FRMD4A: variants seen among roughly 807,000 people sequenced by gnomAD.
FRMD4A encodes FERM domain-containing protein 4A.
Under a neutral mutation model 129.1 loss-of-function variants are expected in FRMD4A, and 29 were observed. That is an observed-to-expected ratio of 0.22 (90% confidence interval 0.17 to 0.31). FRMD4A has a LOEUF of 0.31. FRMD4A is among the 10% of genes least tolerant of loss of function. The pLI, the probability that FRMD4A is intolerant of heterozygous loss-of-function variation, is 1.00. For missense variants in FRMD4A, 1,272 were observed against 1,375.8 expected (o/e 0.92, Z 1.19); for synonymous variants, 634 against 571.6 (o/e 1.11, Z -1.56).
chr10:13,762,530 A>G (rs2092116924), intron 7 of FRMD4A, 94 bp downstream of exon 7: 1 of 735,502 alleles, frequency 1.4e-6, no homozygotes, highest in Admixed American at 2.3e-5. Context: ...ACAAATAGTG[A>G]GTAGATACAG....
At chr10:14,312,591 A>T (rs1846588778) in intron 2 of FRMD4A, among the ~76,000 whole-genome samples, 1 of 152,246 alleles carries the variant, frequency 6.6e-6, no homozygotes, top group South Asian at 2.1e-4. Context: ...TATTAAAAAT[A>T]GCCTAAATGT....
chr10:13,789,212 A>G (rs960894040), intron 5 of FRMD4A, among the ~76,000 whole-genome samples: 1 of 152,202 alleles, frequency 6.6e-6, no homozygotes, highest in Non-Finnish European at 1.5e-5. Context: ...TCTGGTTAGC[A>G]GGAACCTCAT....
chr10:14,027,340 C>A (rs1391876437), intron 2 of FRMD4A, among the ~76,000 whole-genome samples: 1 of 152,128 alleles, frequency 6.6e-6, no homozygotes, highest in Admixed American at 6.5e-5. Context: ...TTTTGGGGGG[C>A]TTTAAAAACA....
chr10:14,007,052 A>G (rs925754805), intron 2 of FRMD4A: 1 of 151,204 alleles, frequency 6.6e-6, no homozygotes, highest in Non-Finnish European at 1.5e-5. Context: ...TTTTTTTTTT[A>G]AATAAAACAT....
At chr10:13,719,383 A>G (rs949617540) in intron 12 of FRMD4A, among the ~76,000 whole-genome samples, 2 of 151,914 alleles carry the variant, frequency 1.3e-5, no homozygotes, top group Admixed American at 1.3e-4. Flanking sequence ...CCTACTCCCA[A>G]CCTAGAGGTC....
At chr10:14,157,029 G>A (rs1018169810) in intron 2 of FRMD4A, among the ~76,000 whole-genome samples, 2 of 152,206 alleles carry the variant, frequency 1.3e-5, no homozygotes, top group African/African-American at 2.4e-5. Flanking sequence ...GCTCCTTGGA[G>A]CAGAGGAACA....
chr10:13,786,396 G>C (rs753339340), intron 5 of FRMD4A, among the ~76,000 whole-genome samples: 26 of 152,192 alleles, frequency 1.7e-4, no homozygotes, highest in South Asian at 1.0e-3. Context: ...ACTGAGGTCA[G>C]GAGTTCGAGA....
intron 2 of FRMD4A, among the ~76,000 whole-genome samples, chr10:14,080,331 T>C (rs968472886): frequency 1.3e-5 from 2 of 152,138 alleles, no homozygotes; most frequent in African/African-American, 4.8e-5. Context: ...TTTATGATGT[T>C]CTATATCCCC....
At chr10:14,172,043 G>A (rs1352463583) in intron 2 of FRMD4A, among the ~76,000 whole-genome samples, 1 of 152,196 alleles carries the variant, frequency 6.6e-6, no homozygotes, top group Non-Finnish European at 1.5e-5. Flanking sequence ...CCTTGCCAAT[G>A]GGATTCTCCT....
intron 8 of FRMD4A, among the ~76,000 whole-genome samples, chr10:13,752,937 T>C (rs2091695696): frequency 6.6e-6 from 1 of 152,208 alleles, no homozygotes; most frequent in Non-Finnish European, 1.5e-5. Context: ...ATGTGTTTAA[T>C]TCCAGGTGCT....
rs561893802 is a variant in FRMD4A, at chr10:14,115,158, C to G, written c.45+214900G>C. 2.6e-4 allele frequency among the ~76,000 whole-genome samples: 40 copies of G among 152,314 alleles called. No homozygotes were observed. The South Asian group carries it at 6.2e-3, about 24-fold the overall frequency. ...TGGAAGCTTGCAGTCTAGAGCAGGTCACCTTCAAAATCCAATGTGTGTTTT... is the reference window on the plus strand; with the variant it reads ...TGGAAGCTTGCAGTCTAGAGCAGGTGACCTTCAAAATCCAATGTGTGTTTT... On this transcript the variant is annotated intron_variant, in intron 2 of 24. Coordinates refer to ENST00000357447, the MANE Select transcript of FRMD4A (RefSeq NM_018027.5).
intron 2 of FRMD4A, among the ~76,000 whole-genome samples, chr10:14,289,534 C>T (rs892167049): frequency 2.0e-5 from 3 of 151,810 alleles, no homozygotes; most frequent in Non-Finnish European, 2.9e-5. Context: ...GATTTTAATC[C>T]CTTGTCAGAT....
chr10:13,660,333 G>A lies in FRMD4A; in HGVS notation c.1881C>T (p.Ser627=), dbSNP rs140407461. 1.2e-5 allele frequency: 19 copies of A among 1,611,484 alleles called. No homozygotes were observed. Among genetic ancestry groups the A allele is most frequent in the Non-Finnish European group, 1.6e-5 (19 of 1,177,668 alleles). Residue 627 remains serine (S), a synonymous_variant, in exon 20 of 25, where the codon TCC becomes TCT. Transcript: ENST00000357447. ...DEPYEKVKKR[S]SHSHSSSHKR... is the part of the protein sequence containing the mutation. The stretch of plus-strand genomic sequence containing the variant: ...CAGCTCACCTGGAATGGCTGTGAGA[G>A]GAGCGCTTCTTGACCTTCTCATAGG...
intron 2 of FRMD4A, among the ~76,000 whole-genome samples, chr10:14,030,967 A>G (rs1833213669): frequency 6.6e-6 from 1 of 152,196 alleles, no homozygotes; most frequent in Non-Finnish European, 1.5e-5. Flanking sequence ...CAAGACTTTC[A>G]AAACTCAGAA....
chr10:13,756,525 C>T (rs2091869871), intron 8 of FRMD4A, among the ~76,000 whole-genome samples: 1 of 152,124 alleles, frequency 6.6e-6, no homozygotes, highest in African/African-American at 2.4e-5. Flanking sequence ...CCATGCCCGA[C>T]TAATTGTTTT....
chr10:13,751,035 A>G (rs1449334987), intron 8 of FRMD4A, among the ~76,000 whole-genome samples: 1 of 152,234 alleles, frequency 6.6e-6, no homozygotes, highest in Non-Finnish European at 1.5e-5. Context: ...TCAATGTGAA[A>G]GGCACTTTTC....
At chr10:14,192,286 A>G (rs775184190) in intron 2 of FRMD4A, among the ~76,000 whole-genome samples, 5 of 152,218 alleles carry the variant, frequency 3.3e-5, no homozygotes, top group Admixed American at 1.3e-4. Flanking sequence ...ACCATTTTGA[A>G]TATCAGTGTG....
intron 2 of FRMD4A, among the ~76,000 whole-genome samples, chr10:14,041,511 G>A (rs1031163459): frequency 2.1e-4 from 32 of 152,174 alleles, no homozygotes; most frequent in African/African-American, 7.7e-4. Context: ...TCAAACAAGA[G>A]TTAAAATCAG....
At chr10:13,935,706 G>T (rs952839984) in intron 2 of FRMD4A, among the ~76,000 whole-genome samples, 6 of 152,136 alleles carry the variant, frequency 3.9e-5, no homozygotes, top group African/African-American at 1.4e-4. Context: ...ATGTGCCAGG[G>T]CTGTGTTGTG....
Sources: allele counts gnomAD v4.1 joint callset (sites outside exome capture counted in the v4.1 genomes callset), GRCh38; gene constraint gnomAD v4.1.1; transcripts MANE v1.5; gene names NCBI Gene and HGNC (gene_info 2026-07-23, HGNC 2026-07-21).